The following NTM variants were observed in gnomAD, a reference collection of about 807,000 sequenced individuals.
NTM encodes the protein IgLON family member 2.
Under a neutral mutation model 42.1 loss-of-function variants are expected in NTM, and 13 were observed. That is an observed-to-expected ratio of 0.31 (90% CI 0.20 to 0.49). The LOEUF is 0.49. NTM is among the 20% of genes least tolerant of loss of function. NTM has a pLI of 0.99. For missense variants in NTM, 373 were observed against 452.8 expected, an observed-to-expected ratio of 0.82 and a Z score of 1.60; for synonymous variants, 187 against 179.2, an observed-to-expected ratio of 1.04 and a Z score of -0.35.
chr11:131,698,405 T>C (rs1241765769), intron 1 of NTM, among the ~76,000 whole-genome samples: 2 of 152,188 alleles, frequency 1.3e-5, no homozygotes, highest in Non-Finnish European at 2.9e-5. Context: ...ATCATCATCA[T>C]GATTGACATT....
chr11:131,438,462 T>G (rs1024761572), intron 1 of NTM, among the ~76,000 whole-genome samples: 1 of 152,244 alleles, frequency 6.6e-6, no homozygotes, highest in Admixed American at 6.5e-5. Flanking sequence ...CCATATTTCT[T>G]GGAGACTTTG....
chr11:131,570,610 G>A (rs138368018), intron 1 of NTM, among the ~76,000 whole-genome samples: 54 of 152,252 alleles, frequency 3.5e-4, no homozygotes, highest in African/African-American at 1.3e-3. Context: ...GGATCATGAA[G>A]TCAAGAGATC....
chr11:131,512,483 T>A (rs1316218503), intron 1 of NTM, among the ~76,000 whole-genome samples: 1 of 152,094 alleles, frequency 6.6e-6, no homozygotes, highest in Non-Finnish European at 1.5e-5. Flanking sequence ...AGAGGCCGAC[T>A]CCCACAGCTG....
chr11:132,310,056 C>CAAA lies in NTM; in HGVS notation c.662-40_662-38dup, dbSNP rs71477755. 7.7e-4 allele frequency: 1,014 copies of CAAA among 1,316,340 alleles called. 3 individuals are homozygous for CAAA. Among genetic ancestry groups the CAAA allele is most frequent in the South Asian group, 3.4e-3 (202 of 59,576 alleles). 81.5% of individuals were successfully genotyped at this position (1,316,340 alleles called of 1,614,324 possible). A position where few individuals can be genotyped will look rare whatever the true frequency, so the allele number is the denominator to read the frequency against. ...GAGCCACAAGAGCAAGACTCCATCT[C>CAAA]AAAAAAAAAAAAAAAAAAGGTGGGG... On this transcript the variant is annotated intron_variant, in intron 5 of 8. Transcript: ENST00000683400.
intron 1 of NTM, among the ~76,000 whole-genome samples, chr11:131,881,506 A>ACC (rs1218610853): frequency 6.6e-6 from 1 of 150,526 alleles, no homozygotes; most frequent in African/African-American, 2.4e-5. Flanking sequence ...ACACACACAC[A>ACC]CACCCCCCAA....
chr11:131,462,673 C>T (rs7107326), intron 1 of NTM, among the ~76,000 whole-genome samples: 11,170 of 152,264 alleles, frequency 0.073, 991 homozygotes, highest in East Asian at 0.22. Context: ...TTTCATCCTG[C>T]ATGGATCCTG....
intron 1 of NTM, among the ~76,000 whole-genome samples, chr11:131,759,136 C>T (rs575929537): frequency 6.6e-6 from 1 of 152,306 alleles, no homozygotes; most frequent in South Asian, 2.1e-4. Flanking sequence ...TTAGAACATG[C>T]TGCCATTATG....
chr11:132,132,612 C>T (rs1313907460), intron 2 of NTM, among the ~76,000 whole-genome samples: 1 of 152,194 alleles, frequency 6.6e-6, no homozygotes, highest in African/African-American at 2.4e-5. Flanking sequence ...TTAACACCTC[C>T]ATGCTCCTGC....
At chr11:131,397,216 T>C (rs1430640209) in intron 1 of NTM, among the ~76,000 whole-genome samples, 1 of 152,194 alleles carries the variant, frequency 6.6e-6, no homozygotes, top group African/African-American at 2.4e-5. Flanking sequence ...CTAGGCATAA[T>C]CCATCTTCAT....
chr11:131,781,311 T>C (rs2136009359), intron 1 of NTM, among the ~76,000 whole-genome samples: 1 of 152,190 alleles, frequency 6.6e-6, no homozygotes, highest in Admixed American at 6.5e-5. Context: ...CATAAAAGTT[T>C]TGAACTCAGG....
intron 1 of NTM, among the ~76,000 whole-genome samples, chr11:131,810,674 G>A (rs1245055613): frequency 6.6e-6 from 1 of 152,188 alleles, no homozygotes; most frequent in Admixed American, 6.5e-5. Flanking sequence ...ACATGATCCA[G>A]GCTGCTTCCC....
intron 1 of NTM, among the ~76,000 whole-genome samples, chr11:131,616,967 C>T (rs1184373296): frequency 6.6e-6 from 1 of 152,148 alleles, no homozygotes; most frequent in Non-Finnish European, 1.5e-5. Context: ...AGTTCTTACA[C>T]CCCAGATGCT....
rs185412270 is a variant in NTM, at chr11:132,098,003, C to T, written c.168-48279C>T. Among the ~76,000 whole-genome samples, 24 of 152,282 alleles carry T rather than the reference C, an allele frequency of 1.6e-4. No individual in the cohort carries two copies. In the East Asian group the frequency reaches 3.5e-3, roughly 22 times the overall value. ...TGCCCAATTAAGGCAAAGAAAGATT[C>T]GTGGCAAGTATTTTGCTGTAACAGG... On this transcript the variant is annotated intron_variant, in intron 2 of 8. Transcript: ENST00000683400.
intron 2 of NTM, among the ~76,000 whole-genome samples, chr11:131,913,991 G>A (rs2138048464): frequency 6.6e-6 from 1 of 152,290 alleles, no homozygotes; most frequent in South Asian, 2.1e-4. Flanking sequence ...GGCCTCTCAG[G>A]ATTGCCCTCC....
chr11:131,852,953 T>C (rs1188286050), intron 1 of NTM, among the ~76,000 whole-genome samples: 1 of 146,236 alleles, frequency 6.8e-6, no homozygotes, highest in African/African-American at 2.5e-5. Context: ...CACCCATTCA[T>C]CCACTCATCC....
At chr11:131,661,089 T>TGG (rs201898772) in intron 1 of NTM, 1 of 1,269,584 alleles carries the variant, frequency 7.9e-7, no homozygotes, top group Middle Eastern at 2.2e-4. Context: ...CACAGACTGG[T>TGG]GGGGGGGTCT....
At chr11:131,789,641 A>AGAG (rs2090502610) in intron 1 of NTM, among the ~76,000 whole-genome samples, 1 of 125,866 alleles carries the variant, frequency 7.9e-6, no homozygotes, top group African/African-American at 3.0e-5. Context: ...GAAGAAAAGA[A>AGAG]GAAGAAGAAG....
chr11:132,108,594 G>A (rs2062728572), intron 2 of NTM, among the ~76,000 whole-genome samples: 1 of 152,088 alleles, frequency 6.6e-6, no homozygotes, highest in Admixed American at 6.5e-5. Flanking sequence ...CTGTTCGGGT[G>A]ATTGGTGCAC....
intron 1 of NTM, among the ~76,000 whole-genome samples, chr11:131,815,702 A>T (rs1287348457): frequency 3.3e-5 from 5 of 151,990 alleles, no homozygotes; most frequent in African/African-American, 1.2e-4. Context: ...TCTCAACTTG[A>T]CAGTCAGCAG....
Sources: gnomAD v4.1 joint callset for allele counts (sites outside exome capture counted in the v4.1 genomes callset) on GRCh38, gnomAD v4.1.1 for gene constraint, MANE v1.5 for transcripts, NCBI Gene and HGNC (gene_info 2026-07-23, HGNC 2026-07-21) for gene names.